Variants in NRK observed in about 807,000 individuals in gnomAD.
The protein encoded by NRK is Nik related kinase, also known as nik-related protein kinase.
NRK carries 67 observed loss-of-function variants against 125.2 expected under a neutral mutation model. The ratio of observed to expected loss-of-function variants is 0.54; its 90% CI spans 0.44 to 0.66. The LOEUF (loss-of-function observed/expected upper bound fraction) is 0.66, where lower values mean the gene tolerates loss of function less well. Ranked by LOEUF, NRK falls within the 30% of genes least tolerant of loss-of-function variation. NRK has a pLI of 0.00. For synonymous variants in NRK, 458 were observed against 429.0 expected, an observed-to-expected ratio of 1.07 and a Z score of -0.84; for missense variants, 1,224 against 1,192.9, an observed-to-expected ratio of 1.03 and a Z score of -0.38.
In NRK at chrX:105,945,931, A is replaced by G. The variant is rs1200400144; in HGVS notation, c.4119A>G (p.Ile1373Met). The G allele has an allele frequency of 8.3e-7, 1 of 1,206,380 alleles. No individual in the cohort carries two copies. Among genetic ancestry groups the G allele is most frequent in the East Asian group, 3.0e-5 (1 of 33,797 alleles). Reference sequence around the variant, plus strand: ...ACTACATGTCCTATCAAGCCTATATACGAATACTGGCAAAAATACAGGCAG... The same window carrying G: ...ACTACATGTCCTATCAAGCCTATATGCGAATACTGGCAAAAATACAGGCAG... ...EGDYMSYQAYIRILAKIQAAD... is the reference protein window; with the variant it reads ...EGDYMSYQAYMRILAKIQAAD... Residue 1373 changes from isoleucine (I) to methionine (M), a missense_variant, in exon 25 of 29, where the codon ATA becomes ATG. Coordinates refer to ENST00000243300, the MANE Select transcript of NRK (RefSeq NM_198465.4).
intron 2 of NRK, among the ~76,000 whole-genome samples, chrX:105,833,523 T>A (rs1569286940): frequency 1.8e-5 from 2 of 110,850 alleles, no homozygotes; most frequent in Admixed American, 1.9e-4. Context: ...AAATAAAAGC[T>A]CAGAGTCATA....
intron 5 of NRK, among the ~76,000 whole-genome samples, chrX:105,892,378 C>T (rs773347760): frequency 2.7e-5 from 3 of 111,817 alleles, no homozygotes; most frequent in Non-Finnish European, 5.7e-5. Flanking sequence ...TCATGGGACA[C>T]TTCACAAATT....
Position 105,908,754 on chromosome X carries a change from G to A in NRK, c.1113G>A (p.Leu371=). ...GACCCTCTTGCACTCACGAGCTTCT[G>A]AGATTGCCAACCAGCAGCAGATGCA... is the stretch of plus-strand genomic sequence containing the variant. ...FRGPSCTHEL[L]RLPTSSRCRP... is the part of the protein sequence containing the mutation. Residue 371 remains leucine, a synonymous_variant, in exon 13 of 29, where the codon CTG becomes CTA. Coordinates refer to ENST00000243300, the MANE Select transcript of NRK (RefSeq NM_198465.4). 8.3e-7 allele frequency: 1 copy of A among 1,202,836 alleles called. No homozygotes were observed. The highest frequency in any genetic ancestry group is 1.1e-6 in the Non-Finnish European group (1 of 889,808).
chrX:105,915,784 A>G lies in NRK; in HGVS notation c.2404A>G (p.Lys802Glu). The G allele has an allele frequency of 9.0e-7, 1 of 1,112,368 alleles. No individual in the cohort carries two copies. The highest frequency in any genetic ancestry group is 1.2e-6 in the Non-Finnish European group (1 of 808,226). The allele number at this position is 1,112,368 out of a possible 1,213,427, so 91.7% of individuals were successfully genotyped here. A position where few individuals can be genotyped will look rare whatever the true frequency, so the allele number is the denominator to read the frequency against. ...PNNQDHAHHV[K>E]FSSSVPQRSL... ...CAACCAGGATCATGCACATCATGTC[A>G]AGTTCTCTTCAAGGTATGTGTCTTT... Residue 802 changes from lysine to glutamate, a missense_variant, in exon 15 of 29, where the codon AAG (lysine) becomes GAG (glutamate). Physicochemically the swap from Lys to Glu is moderately conservative, Grantham distance 56. Transcript: ENST00000243300.
intron 9 of NRK, among the ~76,000 whole-genome samples, chrX:105,903,110 A>C (rs2040180374): frequency 9.0e-6 from 1 of 111,536 alleles, no homozygotes; most frequent in Non-Finnish European, 1.9e-5. Flanking sequence ...TTTAGTCTCT[A>C]TCTTTTATAG....
At chrX:105,923,790 T>A (rs2040484280) in intron 18 of NRK, among the ~76,000 whole-genome samples, 1 of 104,931 alleles carries the variant, frequency 9.5e-6, no homozygotes, top group Non-Finnish European at 2.0e-5. Flanking sequence ...ATACTGAGTA[T>A]GAGAAAGGAC....
intron 14 of NRK, among the ~76,000 whole-genome samples, chrX:105,914,305 C>T (rs1443782112): frequency 9.0e-6 from 1 of 110,805 alleles, no homozygotes; most frequent in Non-Finnish European, 1.9e-5. Context: ...ATAAGCCAGA[C>T]TGTATTATAT....
At chrX:105,828,692 A>G (rs762554053) in intron 1 of NRK, among the ~76,000 whole-genome samples, 5 of 111,926 alleles carry the variant, frequency 4.5e-5, no homozygotes, top group South Asian at 3.7e-4. Flanking sequence ...AATGATATCC[A>G]TCACATAAAT....
intron 2 of NRK, among the ~76,000 whole-genome samples, chrX:105,868,636 T>C (rs746888949): frequency 9.0e-6 from 1 of 110,720 alleles, no homozygotes; most frequent in South Asian, 3.8e-4. Context: ...AATAGTACCA[T>C]TCTACTTTTA....
intron 6 of NRK, among the ~76,000 whole-genome samples, chrX:105,894,632 G>A (rs983630887): frequency 8.9e-6 from 1 of 111,763 alleles, no homozygotes; most frequent in Admixed American, 9.5e-5. Context: ...GTTTACTAAG[G>A]ATAAGTTTTA....
chrX:105,858,022 CTCTTCTCTA>C (rs1206550511), intron 2 of NRK, among the ~76,000 whole-genome samples: 2 of 111,269 alleles, frequency 1.8e-5, no homozygotes, highest in East Asian at 5.7e-4. Context: ...TCCTACTGTT[CTCTTCTCTA>C]TCTTCTCTAT....
intron 1 of NRK, 25 bp from the exon 2 acceptor site, chrX:105,831,029 C>T: frequency 5.0e-6 from 5 of 996,778 alleles, no homozygotes; most frequent in Non-Finnish European, 7.1e-6. Context: ...AGAAGATTAA[C>T]AATTTTTATT....
At position 105,882,835 on chromosome X, in the gene NRK, C is replaced by T. The variant is rs773936034; in HGVS notation, c.252+1056C>T. Reference sequence around the variant, plus strand: ...TATCATGCTTTTGTAGCTTAGGAAACCGCAAAAGATAAGGTATGGAAAATA... The same window carrying T: ...TATCATGCTTTTGTAGCTTAGGAAATCGCAAAAGATAAGGTATGGAAAATA... On this transcript the variant is annotated intron_variant, in intron 4 of 28. Transcript: ENST00000243300. Among the ~76,000 whole-genome samples, 3 of 111,720 alleles carry T rather than the reference C, an allele frequency of 2.7e-5. No homozygotes were observed. In the South Asian group the frequency reaches 1.1e-3, roughly 42 times the overall value.
intron 8 of NRK, among the ~76,000 whole-genome samples, chrX:105,898,922 C>A (rs1299276352): frequency 9.0e-6 from 1 of 111,444 alleles, no homozygotes; most frequent in African/African-American, 3.3e-5. Context: ...AAAGTATATA[C>A]CACTGAGAGT....
chrX:105,932,111 A>G (rs149194215), intron 19 of NRK, among the ~76,000 whole-genome samples: 2 of 110,854 alleles, frequency 1.8e-5, no homozygotes, highest in African/African-American at 6.6e-5. Flanking sequence ...GGCTTATTTC[A>G]CTTTTTAGGT....
chrX:105,870,587 CA>C (rs751446010), intron 2 of NRK, among the ~76,000 whole-genome samples: 66 of 111,789 alleles, frequency 5.9e-4, no homozygotes, highest in Non-Finnish European at 9.4e-4. Context: ...CTTTATTGTC[CA>C]TTTTGTACAA....
At position 105,909,077 on chromosome X, in the gene NRK, T is replaced by C; in HGVS notation, c.1436T>C (p.Met479Thr). 1 of 1,211,323 alleles carries C rather than the reference T, an allele frequency of 8.3e-7. No homozygotes were observed. The highest frequency in any genetic ancestry group is 1.1e-6 in the Non-Finnish European group (1 of 895,048). Reference sequence around the variant, plus strand: ...CTACGGAGGGCAGCCAGGGTGCTCATGCCACTACAGGCACAGGTTAGGGCA... The same window carrying C: ...CTACGGAGGGCAGCCAGGGTGCTCACGCCACTACAGGCACAGGTTAGGGCA... ...PRLRRAARVL[M>T]PLQAQVRAPR... The change falls in exon 13 of 29, where the codon ATG (methionine) becomes ACG (threonine). Residue 479 changes from methionine (M) to threonine (T), a missense_variant. By Grantham distance (81) the Met-to-Thr change is moderately conservative (BLOSUM62 -1). Transcript: ENST00000243300.
intron 19 of NRK, among the ~76,000 whole-genome samples, chrX:105,927,714 T>C (rs1203161960): frequency 3.6e-5 from 4 of 111,535 alleles, no homozygotes; most frequent in Non-Finnish European, 5.7e-5. Flanking sequence ...CAAATGCTTT[T>C]TTTGGTATCT....
At chrX:105,825,600 T>A (rs1369227174) in intron 1 of NRK, among the ~76,000 whole-genome samples, 1 of 112,140 alleles carries the variant, frequency 8.9e-6, no homozygotes, top group African/African-American at 3.2e-5. Context: ...TATTTGGTAT[T>A]TTTGTTATTA....
Sources: allele counts gnomAD v4.1 joint callset (sites outside exome capture counted in the v4.1 genomes callset), GRCh38; gene constraint gnomAD v4.1.1; transcripts MANE v1.5; gene names NCBI Gene and HGNC (gene_info 2026-07-23, HGNC 2026-07-21).